The following VPS35L variants were observed in gnomAD, a reference collection of about 807,000 sequenced individuals.
VPS35L encodes VPS35 endosomal protein sorting factor like, also known as VPS35 endosomal protein-sorting factor-like.
Under a neutral mutation model 133.0 loss-of-function variants are expected in VPS35L, and 83 were observed. That is an observed-to-expected ratio of 0.62 (90% CI 0.52 to 0.75). The LOEUF is 0.75. Ranked by LOEUF, VPS35L falls within the 30% of genes least tolerant of loss-of-function variation. The probability of loss-of-function intolerance (pLI) is 0.00; values close to 1 mark genes in which losing one functional copy is unlikely to be tolerated. For synonymous variants in VPS35L, 423 were observed against 449.9 expected (o/e 0.94, Z 0.76); for missense variants, 1,083 against 1,206.8 (o/e 0.90, Z 1.52).
intron 2 of VPS35L, 23 bp downstream of exon 2, chr16:19,564,973 C>T (rs751801555): frequency 6.6e-7 from 1 of 1,511,048 alleles, no homozygotes; most frequent in Admixed American, 1.7e-5. Context: ...AAGGGTCTTT[C>T]TGAATGATAT....
intron 8 of VPS35L, among the ~76,000 whole-genome samples, chr16:19,599,746 G>A (rs1251534336): frequency 6.6e-6 from 1 of 152,084 alleles, no homozygotes; most frequent in Admixed American, 6.5e-5. Context: ...AAATTTTAAT[G>A]TAGGTGGTCC....
At chr16:19,611,585 A>G (rs1972721538) in intron 12 of VPS35L, 1 of 152,146 alleles carries the variant, frequency 6.6e-6, no homozygotes, top group East Asian at 1.9e-4. Context: ...TGGTCTCTCA[A>G]GTTTCACGAA....
chr16:19,593,640 A>G (rs909068649), intron 8 of VPS35L, among the ~76,000 whole-genome samples: 1 of 151,142 alleles, frequency 6.6e-6, no homozygotes, highest in Non-Finnish European at 1.5e-5. Flanking sequence ...TGGGCCGGGC[A>G]TGGTGGCTCA....
intron 27 of VPS35L, 88 bp from the exon 28 acceptor site, chr16:19,682,137 G>A (rs1338187968): frequency 8.5e-6 from 12 of 1,413,964 alleles, no homozygotes; most frequent in Admixed American, 1.9e-5. Context: ...CAGCTGCTGC[G>A]GGAGGATCTG....
chr16:19,695,349 T>G (rs529092530), intron 29 of VPS35L, among the ~76,000 whole-genome samples: 138 of 152,350 alleles, frequency 9.1e-4, no homozygotes, highest in African/African-American at 3.2e-3. Context: ...CCATATAATT[T>G]GGAGCTATTT....
intron 8 of VPS35L, among the ~76,000 whole-genome samples, chr16:19,594,971 C>A (rs1972163462): frequency 6.6e-6 from 1 of 151,964 alleles, no homozygotes; most frequent in Admixed American, 6.6e-5. Flanking sequence ...GCAGAAGAGG[C>A]CAAGGAACAG....
rs1567388832 is a variant in VPS35L at position 19,570,879 on chromosome 16, A to ATTTTTTT, written c.285+1289_285+1290insTTTTTTT. ...TATATATATATATATATATATATAT[A>ATTTTTTT]TATATATATATTTTTGAGATGAAGT... On this transcript the variant is annotated intron_variant, in intron 3 of 30. Transcript: ENST00000417362. 1.0e-4 allele frequency among the ~76,000 whole-genome samples: 6 copies of ATTTTTTT among 57,612 alleles called. 1 individual carries two copies. The highest frequency in any genetic ancestry group is 5.4e-4 in the African/African-American group (6 of 11,072). 37.8% of individuals were successfully genotyped at this position (57,612 alleles called of 152,430 possible).
In VPS35L at chr16:19,596,632, A is replaced by G. The variant is rs577712884; in HGVS notation, c.724+4758A>G. Among the ~76,000 whole-genome samples the G allele has an allele frequency of 2.6e-4, 40 of 152,052 alleles. 1 individual carries two copies. Among genetic ancestry groups the G allele is most frequent in the Non-Finnish European group, 5.0e-4 (34 of 68,022 alleles). On this transcript the variant is annotated intron_variant, in intron 8 of 30. Coordinates refer to ENST00000417362, the MANE Select transcript of VPS35L (RefSeq NM_020314.7). Reference sequence around the variant, plus strand: ...CCTCTGGGAATCTATCCCACCTGTAATAGCAAACTATAAGAAGCAACTCAA... The same window carrying G: ...CCTCTGGGAATCTATCCCACCTGTAGTAGCAAACTATAAGAAGCAACTCAA...
At chr16:19,691,788 G>A (rs1048312646) in intron 29 of VPS35L, among the ~76,000 whole-genome samples, 1 of 150,142 alleles carries the variant, frequency 6.7e-6, no homozygotes, top group Non-Finnish European at 1.5e-5. Flanking sequence ...TCCCTGTAGC[G>A]CCTGTTCAGT....
At chr16:19,597,521 C>T (rs1972254980) in intron 8 of VPS35L, among the ~76,000 whole-genome samples, 1 of 152,046 alleles carries the variant, frequency 6.6e-6, no homozygotes. Flanking sequence ...ATGGGATGGG[C>T]CAGGAGAGAA....
intron 7 of VPS35L, among the ~76,000 whole-genome samples, chr16:19,591,380 G>T (rs1972037550): frequency 6.6e-6 from 1 of 152,114 alleles, no homozygotes; most frequent in Non-Finnish European, 1.5e-5. Context: ...GGATCCTTTT[G>T]GATAAGGCTT....
In VPS35L at chr16:19,627,679, A is replaced by G. The variant is rs1324620971; in HGVS notation, c.1272-15A>G. 3 of 1,589,922 alleles carry G rather than the reference A, an allele frequency of 1.9e-6. No individual in the cohort carries two copies. Among genetic ancestry groups the G allele is most frequent in the Non-Finnish European group, 2.6e-6 (3 of 1,158,440 alleles). On this transcript the variant is annotated splice_polypyrimidine_tract_variant and intron_variant, in intron 15 of 30. Transcript: ENST00000417362. ...GAGGAGAAGCCAGGCTGACTTGGGG[A>G]TCTGTGTCTTGCAGTGCCTTGCTGT...
chr16:19,573,586 A>G (rs1262624223), intron 4 of VPS35L, among the ~76,000 whole-genome samples: 1 of 152,158 alleles, frequency 6.6e-6, no homozygotes, highest in Non-Finnish European at 1.5e-5. Context: ...TGGGAGGCCA[A>G]GGTGGGCAGA....
At chr16:19,648,822 C>T (rs1175421335) in intron 24 of VPS35L, among the ~76,000 whole-genome samples, 4 of 142,318 alleles carry the variant, frequency 2.8e-5, no homozygotes, top group East Asian at 2.1e-4. Context: ...AAGCAGAGAT[C>T]GCGCCACTGC....
chr16:19,679,504 T>C (rs1167334860), intron 27 of VPS35L, among the ~76,000 whole-genome samples: 2 of 144,662 alleles, frequency 1.4e-5, no homozygotes, highest in Admixed American at 1.4e-4. Context: ...TATTTATTTA[T>C]TTATTTATTT....
chr16:19,556,241 A>G (rs1051707662), intron 1 of VPS35L, among the ~76,000 whole-genome samples: 2 of 152,198 alleles, frequency 1.3e-5, no homozygotes, highest in African/African-American at 4.8e-5. Context: ...CCTTGGCCTC[A>G]AGGAGCTGAC....
Position 19,616,538 on chromosome 16 carries a change from T to TTA in VPS35L, c.1102-148_1102-147insTA. 3.4e-6 allele frequency: 3 copies of TTA among 884,366 alleles called. No homozygotes were observed. The African/African-American group carries it at 5.3e-5, about 16-fold the overall frequency. 54.8% of individuals were successfully genotyped at this position (884,366 alleles called of 1,614,324 possible). On this transcript the variant is annotated intron_variant, in intron 13 of 30. Transcript: ENST00000417362. ...AAACTTTCTGTGTTTTTTTTTGGTTTAAAAAAAAAAAACAACCGAGAAACC... is the reference window on the plus strand; with the variant it reads ...AAACTTTCTGTGTTTTTTTTTGGTTTTAAAAAAAAAAAAACAACCGAGAAACC...
At chr16:19,626,268 T>C in intron 15 of VPS35L, 45 bp downstream of exon 15, 2 of 1,440,500 alleles carry the variant, frequency 1.4e-6, no homozygotes, top group Non-Finnish European at 1.9e-6. Context: ...AAAATGGCGT[T>C]GGCTGCTATT....
At chr16:19,576,974 T>C (rs1971560385) in intron 5 of VPS35L, among the ~76,000 whole-genome samples, 1 of 152,182 alleles carries the variant, frequency 6.6e-6, no homozygotes, top group Non-Finnish European at 1.5e-5. Context: ...CCCAAAGTGC[T>C]GGGATTACAG....
Sources: allele counts gnomAD v4.1 joint callset (sites outside exome capture counted in the v4.1 genomes callset), GRCh38; gene constraint gnomAD v4.1.1; transcripts MANE v1.5; gene names NCBI Gene and HGNC (gene_info 2026-07-23, HGNC 2026-07-21).